LINGO2: variants seen among roughly 807,000 people sequenced by gnomAD.
LINGO2 encodes the protein leucine rich repeat and Ig domain containing 2, also known as leucine-rich repeat and immunoglobulin-like domain-containing nogo receptor-interacting protein 2.
A neutral mutation model predicts 30.6 loss-of-function variants in LINGO2; 14 were observed. That is an observed-to-expected ratio of 0.46 (90% CI 0.30 to 0.72). The LOEUF is 0.72. LINGO2 is among the 30% of genes least tolerant of loss of function. The pLI is 0.07. For synonymous variants in LINGO2, 317 were observed against 288.5 expected (o/e 1.10, Z -1.00); for missense variants, 729 against 751.7 (o/e 0.97, Z 0.35).
At chr9:28,830,757 TACAC>T in the LINGO2 span, among the ~76,000 whole-genome samples, 60,096 of 151,216 alleles carry the variant, frequency 0.4, 12,774 homozygotes, top group Middle Eastern at 0.53. Context: ...CTTGCCCCTA[TACAC>T]ACACACACAC....
chr9:29,116,645 A>G, the LINGO2 span, among the ~76,000 whole-genome samples: 1 of 152,064 alleles, frequency 6.6e-6, no homozygotes. Context: ...TCCACAAGGT[A>G]AATTACAGTA....
chr9:28,965,524 G>A, the LINGO2 span, among the ~76,000 whole-genome samples: 1 of 151,862 alleles, frequency 6.6e-6, no homozygotes, highest in East Asian at 1.9e-4. Flanking sequence ...TGTAATTAAT[G>A]CTTAATTTTT....
intron 2 of LINGO2, among the ~76,000 whole-genome samples, chr9:28,407,053 A>T (rs2134781677): frequency 6.6e-6 from 1 of 152,152 alleles, no homozygotes; most frequent in Admixed American, 6.5e-5. Context: ...ATACTACTAC[A>T]TTTTTGTTTC....
At chr9:28,136,328 C>T (rs1827516226) in intron 4 of LINGO2, among the ~76,000 whole-genome samples, 1 of 152,222 alleles carries the variant, frequency 6.6e-6, no homozygotes, top group Non-Finnish European at 1.5e-5. Flanking sequence ...TCAGATGCAG[C>T]TCTCAGCAGC....
chr9:28,922,595 C>T, the LINGO2 span, among the ~76,000 whole-genome samples: 3 of 152,056 alleles, frequency 2.0e-5, no homozygotes, highest in Non-Finnish European at 4.4e-5. Flanking sequence ...ACAGTAACTC[C>T]TGGGGTTAAA....
intron 4 of LINGO2, among the ~76,000 whole-genome samples, chr9:28,035,113 A>G (rs1463804155): frequency 1.3e-5 from 2 of 152,238 alleles, no homozygotes; most frequent in Non-Finnish European, 2.9e-5. Context: ...ATTAGCTTGC[A>G]GCACCTACAC....
chr9:28,861,205 ATT>A, the LINGO2 span, among the ~76,000 whole-genome samples: 252 of 115,738 alleles, frequency 2.2e-3, 1 homozygote, highest in African/African-American at 8.3e-3. Flanking sequence ...TATATTATAT[ATT>A]TTTTATATAA....
the LINGO2 span, among the ~76,000 whole-genome samples, chr9:29,007,716 G>C: frequency 6.6e-6 from 1 of 152,004 alleles, no homozygotes; most frequent in Non-Finnish European, 1.5e-5. Flanking sequence ...TTTTATTTTA[G>C]TAGCTGGATG....
At chr9:28,007,644 T>A (rs1011779090) in intron 5 of LINGO2, among the ~76,000 whole-genome samples, 3 of 152,166 alleles carry the variant, frequency 2.0e-5, no homozygotes, top group African/African-American at 7.2e-5. Flanking sequence ...TATAATGGGA[T>A]TCTATCAGTT....
chr9:29,175,844 T>A, the LINGO2 span, among the ~76,000 whole-genome samples: 8 of 152,268 alleles, frequency 5.3e-5, no homozygotes, highest in African/African-American at 9.6e-5. Context: ...AATATTTTTT[T>A]AAAAAAGAGT....
intron 1 of LINGO2, among the ~76,000 whole-genome samples, chr9:28,520,562 T>G (rs1242784776): frequency 6.6e-6 from 1 of 152,170 alleles, no homozygotes; most frequent in African/African-American, 2.4e-5. Flanking sequence ...GTTACTTGTC[T>G]GTATCACCCA....
At chr9:28,069,690 T>C (rs1485900572) in intron 4 of LINGO2, among the ~76,000 whole-genome samples, 1 of 152,164 alleles carries the variant, frequency 6.6e-6, no homozygotes, top group Non-Finnish European at 1.5e-5. Context: ...CTGTCTACGT[T>C]GAGGAGCATA....
At chr9:29,103,989 T>G in the LINGO2 span, among the ~76,000 whole-genome samples, 1 of 152,188 alleles carries the variant, frequency 6.6e-6, no homozygotes, top group South Asian at 2.1e-4. Context: ...AACCACTCAG[T>G]TATCAGGATT....
intron 4 of LINGO2, among the ~76,000 whole-genome samples, chr9:28,044,964 A>G (rs1824350496): frequency 6.6e-6 from 1 of 152,120 alleles, no homozygotes; most frequent in East Asian, 1.9e-4. Flanking sequence ...AGACGAGCAG[A>G]AAACAGTTTT....
chr9:28,622,543 C>T (rs1353438931), intron 1 of LINGO2, among the ~76,000 whole-genome samples: 1 of 151,918 alleles, frequency 6.6e-6, no homozygotes, highest in African/African-American at 2.4e-5. Context: ...TTATTTGTAA[C>T]TGAATAGTGC....
chr9:28,534,205 G>A (rs1259364529), intron 1 of LINGO2, among the ~76,000 whole-genome samples: 1 of 152,050 alleles, frequency 6.6e-6, no homozygotes, highest in Non-Finnish European at 1.5e-5. Context: ...TCACCAGGCT[G>A]GAGTACAGAA....
intron 3 of LINGO2, among the ~76,000 whole-genome samples, chr9:28,323,436 C>G (rs13288522): frequency 0.15 from 22,842 of 152,064 alleles, 2,329 homozygotes; most frequent in Non-Finnish European, 0.22. Flanking sequence ...GCCACCTCTA[C>G]TAAAAATACA....
At chr9:28,159,686 C>T (rs946944690) in intron 4 of LINGO2, among the ~76,000 whole-genome samples, 7 of 151,932 alleles carry the variant, frequency 4.6e-5, no homozygotes, top group African/African-American at 1.7e-4. Context: ...ATTTAAATTC[C>T]TTTATAGTCT....
chr9:28,430,364 G>A (rs1328218121), intron 2 of LINGO2, among the ~76,000 whole-genome samples: 1 of 152,092 alleles, frequency 6.6e-6, no homozygotes, highest in African/African-American at 2.4e-5. Context: ...TGGCATATAA[G>A]ATTTGTATAG....
Sources: allele counts gnomAD v4.1 joint callset (sites outside exome capture counted in the v4.1 genomes callset), GRCh38; gene constraint gnomAD v4.1.1; transcripts MANE v1.5; gene names NCBI Gene and HGNC (gene_info 2026-07-23, HGNC 2026-07-21).